The following TLN1 variants were observed in gnomAD, a reference collection of about 807,000 sequenced individuals.
TLN1 encodes talin-1.
A neutral mutation model predicts 292.3 loss-of-function variants in TLN1; 56 were observed. The ratio of observed to expected loss-of-function variants is 0.19; its 90% confidence interval spans 0.15 to 0.24. The LOEUF is 0.24. Among genes scored for constraint, TLN1 ranks in the 10% least tolerant of loss-of-function variants. The pLI, the probability that TLN1 is intolerant of heterozygous loss-of-function variation, is 1.00. For missense variants in TLN1, 2,433 were observed against 3,248.2 expected (o/e 0.75, Z 6.10); for synonymous variants, 1,119 against 1,253.7 (o/e 0.89, Z 2.27).
intron 9 of TLN1, 100 bp from the exon 10 acceptor site, chr9:35,721,903 G>T: frequency 6.7e-7 from 1 of 1,493,290 alleles, no homozygotes; most frequent in Non-Finnish European, 9.2e-7. Flanking sequence ...GAGGTGGCCG[G>T]GAGGGCTAAC....
At chr9:35,712,746 G>T in intron 27 of TLN1, 89 bp downstream of exon 27, 2 of 1,185,288 alleles carry the variant, frequency 1.7e-6, no homozygotes, top group African/African-American at 1.5e-5. Context: ...CTGTGAGTGT[G>T]GACGAGGCTC....
intron 17 of TLN1, 31 bp downstream of exon 17, chr9:35,718,781 G>T: frequency 6.3e-7 from 1 of 1,583,908 alleles, no homozygotes; most frequent in Non-Finnish European, 8.7e-7. Context: ...CCTAGATTCT[G>T]GGGTTCTGGG....
chr9:35,722,092 G>C (rs1213169049), intron 9 of TLN1, 27 bp downstream of exon 9: 1 of 1,585,922 alleles, frequency 6.3e-7, no homozygotes, highest in Admixed American at 1.7e-5. Flanking sequence ...GAAACAAGGA[G>C]GGCAGTGAAA....
In TLN1 at chr9:35,721,625, C is replaced by T. The variant is rs372496644; in HGVS notation, c.1104+23G>A. 6.7e-5 allele frequency: 107 copies of T among 1,601,476 alleles called. No homozygotes were observed. In the African/African-American group the frequency reaches 1.4e-3, roughly 20 times the overall value. The stretch of plus-strand genomic sequence containing the variant: ...TTTAATGAAACTCCCAAAGCACTTT[C>T]TTGTTATAGTCCCCAGACTTACCAG... On this transcript the variant is annotated intron_variant, in intron 10 of 56. Coordinates refer to ENST00000314888, the MANE Select transcript of TLN1 (RefSeq NM_006289.4).
At position 35,719,050 on chromosome 9, in the gene TLN1, T is replaced by C. The variant is rs1825837150; in HGVS notation, c.1896+24A>G. On this transcript the variant is annotated intron_variant, in intron 16 of 56. Transcript: ENST00000314888. The surrounding 1 kb of genome is among the most constrained non-coding windows in gnomAD (Gnocchi z 4.6). ...TTGGGCTTGAACCCTGTCTCCACCC[T>C]AACCCAAACCTGTGGCCCCTGACCT... 3 of 1,605,266 alleles carry C rather than the reference T, an allele frequency of 1.9e-6. No individual in the cohort carries two copies. The highest frequency in any genetic ancestry group is 2.6e-6 in the Non-Finnish European group (3 of 1,174,720).
chr9:35,701,003 A>C (rs984881899), intron 48 of TLN1, among the ~76,000 whole-genome samples: 4 of 152,220 alleles, frequency 2.6e-5, no homozygotes, highest in African/African-American at 9.6e-5. Flanking sequence ...TTGGATTATG[A>C]GAGAATAGAG....
chr9:35,709,005 T>A (rs1825612868), intron 33 of TLN1, among the ~76,000 whole-genome samples: 1 of 152,250 alleles, frequency 6.6e-6, no homozygotes, highest in African/African-American at 2.4e-5. Flanking sequence ...GGAAAGAACA[T>A]CCTAATGTTT....
chr9:35,708,104 A>G (rs1825597456), intron 34 of TLN1: 3 of 717,394 alleles, frequency 4.2e-6, no homozygotes, highest in East Asian at 5.5e-5. Context: ...TGGAGAAACC[A>G]TAAGAGGGCA....
In TLN1 at chr9:35,719,968, C is replaced by T; in HGVS notation, c.1464+71G>A. On this transcript the variant is annotated intron_variant, in intron 13 of 56. Transcript: ENST00000314888. This position sits in a 1 kb window ranked among gnomAD's most constrained non-coding sequence, Gnocchi z 4.6. ...AAATAGGGACCTGGGAAAAGACTGC[C>T]TAACTCCTGGCTCGGCCCAGCTGAG... is the stretch of plus-strand genomic sequence containing the variant. 6.3e-7 allele frequency: 1 copy of T among 1,590,374 alleles called. No individual in the cohort carries two copies. The highest frequency in any genetic ancestry group is 2.2e-5 in the East Asian group (1 of 44,580).
At chr9:35,713,333 A>G in intron 25 of TLN1, 35 bp from the exon 26 acceptor site, 1 of 1,540,380 alleles carries the variant, frequency 6.5e-7, no homozygotes, top group Non-Finnish European at 8.9e-7. Context: ...GGCTTGAGAA[A>G]GGAGAAGGTG....
chr9:35,706,556 G>A lies in TLN1; in HGVS notation c.5089-5C>T, dbSNP rs201144591. Reference sequence around the variant, plus strand: ...GAGCATCTGAGTGTGCAAGGCCTGGGGAGGAAGTGGACATTAGCCCTGATG... The same window carrying A: ...GAGCATCTGAGTGTGCAAGGCCTGGAGAGGAAGTGGACATTAGCCCTGATG... On this transcript the variant is annotated splice_polypyrimidine_tract_variant and splice_region_variant and intron_variant, in intron 38 of 56. Transcript: ENST00000314888. The surrounding 1 kb of genome is among the most constrained non-coding windows in gnomAD (Gnocchi z 4.2). The A allele has an allele frequency of 1.9e-5, 30 of 1,613,584 alleles. No homozygotes were observed. Among genetic ancestry groups the A allele is most frequent in the African/African-American group, 8.0e-5 (6 of 74,902 alleles).
rs1295788569 is a variant in TLN1 at position 35,699,994 on chromosome 9, G to C, written c.6748C>G (p.Leu2250Val). The change falls in exon 50 of 57, where the codon CTG becomes GTG. Residue 2250 changes from leucine to valine, a missense_variant. By Grantham distance (32) the Leu-to-Val change is conservative (BLOSUM62 1). This residue lies in a region of TLN1 where 1,384 missense variants were observed against 1,699.6 expected (regional missense o/e 0.81). Transcript: ENST00000314888. The surrounding 1 kb of genome is among the most constrained non-coding windows in gnomAD (Gnocchi z 4.0). Reference sequence around the variant, plus strand: ...CTTACCAGCAGTACATGGTCCAGCAGTTCCAGGTAGCCATTGGCACACTCC... The same window carrying C: ...CTTACCAGCAGTACATGGTCCAGCACTTCCAGGTAGCCATTGGCACACTCC... The part of the protein sequence containing the change: ...GRECANGYLE[L>V]LDHVLLTLQK... The C allele has an allele frequency of 6.2e-7, 1 of 1,613,202 alleles. No individual in the cohort carries two copies. The highest frequency in any genetic ancestry group is 1.7e-5 in the Admixed American group (1 of 59,930).
In TLN1 at chr9:35,699,445, C is replaced by A; in HGVS notation, c.6785G>T (p.Ser2262Ile). The change falls in exon 51 of 57, where the codon AGC becomes ATC. Residue 2262 changes from serine (S) to isoleucine (I), a missense_variant. Physicochemically the swap from Ser to Ile is moderately radical, Grantham distance 142. This residue lies in a region of TLN1 where 1,384 missense variants were observed against 1,699.6 expected (regional missense o/e 0.81). Transcript: ENST00000314888. This position sits in a 1 kb window ranked among gnomAD's most constrained non-coding sequence, Gnocchi z 4.0. ...TGTCAACTGCTGCTTCAGTTCTGGG[C>A]TTGGCTTCTGCAGGGTCTGGGCAAG... Reference protein sequence around the residue: ...DHVLLTLQKPSPELKQQLTGH... With the variant: ...DHVLLTLQKPIPELKQQLTGH... The A allele has an allele frequency of 6.2e-7, 1 of 1,613,612 alleles. No individual in the cohort carries two copies. Among genetic ancestry groups the A allele is most frequent in the Non-Finnish European group, 8.5e-7 (1 of 1,179,706 alleles).
chr9:35,724,825 C>G lies in TLN1; in HGVS notation c.358+5G>C. ...CAGGCTTTCAACTGTACTAGGGCCC[C>G]TTACCAATGCGGGCACAGATGGTCA... On this transcript the variant is annotated splice_donor_5th_base_variant and intron_variant, in intron 4 of 56. Coordinates refer to ENST00000314888, the MANE Select transcript of TLN1 (RefSeq NM_006289.4). This position sits in a 1 kb window ranked among gnomAD's most constrained non-coding sequence, Gnocchi z 4.7. 1.2e-6 allele frequency: 2 copies of G among 1,614,156 alleles called. No homozygotes were observed. The highest frequency in any genetic ancestry group is 8.5e-7 in the Non-Finnish European group (1 of 1,180,032).
chr9:35,722,882 C>T lies in TLN1; in HGVS notation c.822G>A (p.Lys274=). The change falls in exon 8 of 57, where the codon AAG becomes AAA. Residue 274 remains lysine (K), a synonymous_variant. Coordinates refer to ENST00000314888, the MANE Select transcript of TLN1 (RefSeq NM_006289.4). ...TCACCTGGAAGATCTTACGCTCTCCCTTCTGCTTCACATACTCCTTGGGCA... is the reference window on the plus strand; with the variant it reads ...TCACCTGGAAGATCTTACGCTCTCCTTTCTGCTTCACATACTCCTTGGGCA... ...DFLPKEYVKQ[K]GERKIFQAHK... is the part of the protein sequence containing the mutation. 1 of 1,613,998 alleles carries T rather than the reference C, an allele frequency of 6.2e-7. No homozygotes were observed. The highest frequency in any genetic ancestry group is 8.5e-7 in the Non-Finnish European group (1 of 1,179,918).
chr9:35,719,302 G>A lies in TLN1; in HGVS notation c.1688-20C>T, dbSNP rs1308192323. ...GGTCCCCTAAGGGGAAAAGGAGAAA[G>A]AGGAACATGAGAGACAGGGCAGGCC... On this transcript the variant is annotated intron_variant, in intron 15 of 56. Transcript: ENST00000314888. The surrounding 1 kb of genome is among the most constrained non-coding windows in gnomAD (Gnocchi z 4.6). 2 of 1,605,368 alleles carry A rather than the reference G, an allele frequency of 1.2e-6. No homozygotes were observed. The highest frequency in any genetic ancestry group is 1.1e-5 in the South Asian group (1 of 90,406).
chr9:35,708,543 G>C (rs753977826), intron 33 of TLN1, 59 bp from the exon 34 acceptor site: 3 of 1,460,154 alleles, frequency 2.1e-6, no homozygotes, highest in African/African-American at 1.4e-5. Context: ...GAAATGAATA[G>C]TGATAGTAGG....
Position 35,720,836 on chromosome 9 carries a change from G to A in TLN1, c.1182C>T (p.Gly394=), listed in dbSNP as rs1825869073. The change falls in exon 11 of 57, where the codon GGC becomes GGT. Residue 394 remains glycine (G), a synonymous_variant. Coordinates refer to ENST00000314888, the MANE Select transcript of TLN1 (RefSeq NM_006289.4). ...EGEQIAQLIA[G]YIDIILKKKK... The stretch of plus-strand genomic sequence containing the variant: ...CCTTCTTCAGGATGATATCGATGTA[G>A]CCGGCAATGAGCTGTGCAATCTGCT... 6.2e-7 allele frequency: 1 copy of A among 1,614,126 alleles called. No individual in the cohort carries two copies. The highest frequency in any genetic ancestry group is 8.5e-7 in the Non-Finnish European group (1 of 1,180,008).
intron 42 of TLN1, 23 bp downstream of exon 42, chr9:35,705,727 C>A: frequency 6.2e-7 from 1 of 1,614,224 alleles, no homozygotes; most frequent in Non-Finnish European, 8.5e-7. Flanking sequence ...GAGGGCAGTC[C>A]TCTGGGACTC....
Sources: allele counts gnomAD v4.1 joint callset (sites outside exome capture counted in the v4.1 genomes callset), GRCh38; gene constraint gnomAD v4.1.1; regional missense constraint gnomAD v4.1.1; non-coding constraint Gnocchi (gnomAD v3.1); transcripts MANE v1.5; gene names NCBI Gene and HGNC (gene_info 2026-07-23, HGNC 2026-07-21).